Variants in GRIA1 observed in about 807,000 individuals in gnomAD.
GRIA1 encodes glutamate ionotropic receptor AMPA type subunit 1.
A neutral mutation model predicts 99.2 loss-of-function variants in GRIA1; 31 were observed. The ratio of observed to expected loss-of-function variants is 0.31; its 90% CI spans 0.23 to 0.42. The LOEUF is 0.42. Among genes scored for constraint, GRIA1 ranks in the 10% least tolerant of loss-of-function variants. The probability of loss-of-function intolerance (pLI) is 1.00; values close to 1 mark genes in which losing one functional copy is unlikely to be tolerated. For synonymous variants in GRIA1, 438 were observed against 432.4 expected, an observed-to-expected ratio of 1.01 and a Z score of -0.16; for missense variants, 782 against 1,157.5, an observed-to-expected ratio of 0.68 and a Z score of 4.71.
At chr5:153,509,220 T>C (rs2113297623) in intron 2 of GRIA1, among the ~76,000 whole-genome samples, 1 of 152,260 alleles carries the variant, frequency 6.6e-6, no homozygotes, top group African/African-American at 2.4e-5. Flanking sequence ...GGATGACAGA[T>C]GGTGGTGGCT....
intron 2 of GRIA1, among the ~76,000 whole-genome samples, chr5:153,598,764 T>C (rs184777699): frequency 1.3e-4 from 19 of 151,986 alleles, no homozygotes; most frequent in Admixed American, 2.6e-4. Context: ...TGTCCAATGA[T>C]ACTTTAACAG....
intron 9 of GRIA1, among the ~76,000 whole-genome samples, 175 bp from the exon 10 acceptor site, chr5:153,698,692 T>G (rs1168639823): frequency 1.3e-5 from 2 of 152,238 alleles, no homozygotes; most frequent in African/African-American, 4.8e-5. Flanking sequence ...GTTTGCTTCC[T>G]TAACACAAGA....
At chr5:153,582,119 G>C (rs1763097537) in intron 2 of GRIA1, among the ~76,000 whole-genome samples, 1 of 152,164 alleles carries the variant, frequency 6.6e-6, no homozygotes, top group African/African-American at 2.4e-5. Flanking sequence ...AGGTGCCGTA[G>C]CACAGAATAG....
intron 2 of GRIA1, among the ~76,000 whole-genome samples, chr5:153,638,337 A>G (rs1420044006): frequency 2.0e-5 from 3 of 152,206 alleles, no homozygotes; most frequent in African/African-American, 4.8e-5. Flanking sequence ...GTAGTTCCTA[A>G]CACATTTGTG....
chr5:153,599,670 G>C (rs1467391770), intron 2 of GRIA1, among the ~76,000 whole-genome samples: 1 of 152,094 alleles, frequency 6.6e-6, no homozygotes, highest in African/African-American at 2.4e-5. Context: ...ATCTGCAAAC[G>C]TAGAACCCAC....
chr5:153,713,599 G>A (rs1759475904), intron 11 of GRIA1, among the ~76,000 whole-genome samples: 1 of 152,236 alleles, frequency 6.6e-6, no homozygotes, highest in Non-Finnish European at 1.5e-5. Context: ...TAAAATGAGT[G>A]CAGTGACAGG....
chr5:153,687,381 G>T (rs1247268464), intron 8 of GRIA1, among the ~76,000 whole-genome samples: 1 of 152,068 alleles, frequency 6.6e-6, no homozygotes. Flanking sequence ...AGTAAGTGGG[G>T]ATCACCTTAA....
At chr5:153,558,872 G>T (rs930007478) in intron 2 of GRIA1, among the ~76,000 whole-genome samples, 7 of 152,108 alleles carry the variant, frequency 4.6e-5, no homozygotes, top group Non-Finnish European at 7.4e-5. Context: ...CTCACAAAAG[G>T]TTAGGCCCCA....
At position 153,699,020 on chromosome 5, in the gene GRIA1, C is replaced by A; in HGVS notation, c.1399C>A (p.Arg467=). 6.2e-7 allele frequency: 1 copy of A among 1,613,944 alleles called. No homozygotes were observed. The highest frequency in any genetic ancestry group is 8.5e-7 in the Non-Finnish European group (1 of 1,179,946). Reference sequence around the variant, plus strand: ...TGTCAGTGATGGAAAATACGGAGCCCGAGACCCTGACACGAAGGCCTGGAA... The same window carrying A: ...TGTCAGTGATGGAAAATACGGAGCCAGAGACCCTGACACGAAGGCCTGGAA... ...EIVSDGKYGA[R]DPDTKAWNGM... The change falls in exon 10 of 16, where the codon CGA becomes AGA. Residue 467 remains arginine, a synonymous_variant. Coordinates refer to ENST00000285900, the MANE Select transcript of GRIA1 (RefSeq NM_000827.4).
chr5:153,796,329 A>T (rs1426621585), intron 14 of GRIA1, among the ~76,000 whole-genome samples: 3 of 152,190 alleles, frequency 2.0e-5, no homozygotes, highest in Non-Finnish European at 2.9e-5. Flanking sequence ...TGTTCCTTTA[A>T]AGCTACTATC....
chr5:153,716,574 G>GC (rs1759681930), intron 11 of GRIA1, among the ~76,000 whole-genome samples: 1 of 152,122 alleles, frequency 6.6e-6, no homozygotes, highest in Admixed American at 6.5e-5. Flanking sequence ...AGAACATTTT[G>GC]CCCCCACCAA....
rs193193183 is a variant in GRIA1 at position 153,769,912 on chromosome 5, G to A, written c.2023-256G>A. On this transcript the variant is annotated intron_variant, in intron 12 of 15. Coordinates refer to ENST00000285900, the MANE Select transcript of GRIA1 (RefSeq NM_000827.4). ...AGTTTCTTAATTCTCCCCTTGTTTAGGAGGAATATAATTACTCAGAAGTAA... is the reference window on the plus strand; with the variant it reads ...AGTTTCTTAATTCTCCCCTTGTTTAAGAGGAATATAATTACTCAGAAGTAA... Among the ~76,000 whole-genome samples the A allele has an allele frequency of 3.9e-5, 6 of 152,110 alleles. No homozygotes were observed. The East Asian group carries it at 9.7e-4, about 25-fold the overall frequency.
chr5:153,665,258 C>G (rs1755662264), intron 5 of GRIA1, among the ~76,000 whole-genome samples: 1 of 152,218 alleles, frequency 6.6e-6, no homozygotes, highest in Admixed American at 6.5e-5. Context: ...GAGACCCTGA[C>G]TGACATTTAC....
chr5:153,651,694 T>A (rs1414129465), intron 4 of GRIA1, among the ~76,000 whole-genome samples: 1 of 152,166 alleles, frequency 6.6e-6, no homozygotes, highest in Non-Finnish European at 1.5e-5. Flanking sequence ...GTTTGAATGT[T>A]ATGGATTCTT....
intron 2 of GRIA1, among the ~76,000 whole-genome samples, chr5:153,547,411 A>G (rs7711712): frequency 1.3e-3 from 204 of 152,288 alleles, no homozygotes; most frequent in African/African-American, 4.7e-3. Flanking sequence ...CACTTAAGGA[A>G]TATTTGCTAA....
intron 12 of GRIA1, among the ~76,000 whole-genome samples, chr5:153,764,981 C>A (rs1763418215): frequency 6.6e-6 from 1 of 152,084 alleles, no homozygotes. Flanking sequence ...AGCTTACGGA[C>A]AACAGCTGGA....
At chr5:153,660,403 G>T (rs1195546607) in intron 5 of GRIA1, among the ~76,000 whole-genome samples, 2 of 152,156 alleles carry the variant, frequency 1.3e-5, no homozygotes, top group African/African-American at 4.8e-5. Context: ...GCTTCAGAAA[G>T]GTTGACTTTT....
chr5:153,532,187 C>A (rs1446636729), intron 2 of GRIA1, among the ~76,000 whole-genome samples: 5 of 152,088 alleles, frequency 3.3e-5, no homozygotes, highest in African/African-American at 1.2e-4. Context: ...CAAAATCATT[C>A]CCCAAAGATC....
chr5:153,616,069 A>G (rs1271311043), intron 2 of GRIA1, among the ~76,000 whole-genome samples: 1 of 152,108 alleles, frequency 6.6e-6, no homozygotes, highest in Non-Finnish European at 1.5e-5. Flanking sequence ...TATCCTGCTT[A>G]CCTGGGTATG....
Sources: gnomAD v4.1 joint callset for allele counts (sites outside exome capture counted in the v4.1 genomes callset) on GRCh38, gnomAD v4.1.1 for gene constraint, MANE v1.5 for transcripts, NCBI Gene and HGNC (gene_info 2026-07-23, HGNC 2026-07-21) for gene names.